SLC26A2: variants seen among roughly 807,000 people sequenced by gnomAD.
The protein encoded by SLC26A2 is sulfate transporter.
A neutral mutation model predicts 41.1 loss-of-function variants in SLC26A2; 36 were observed. That is an observed-to-expected ratio of 0.88 (90% CI 0.67 to 1.16). SLC26A2 has a LOEUF of 1.16. Ranked by LOEUF, SLC26A2 falls within the 50% of genes most tolerant of loss-of-function variation. SLC26A2 has a pLI of 0.00. For missense variants in SLC26A2, 796 were observed against 869.6 expected (o/e 0.92, Z 1.07); for synonymous variants, 291 against 311.6 (o/e 0.93, Z 0.70).
Position 149,978,338 on chromosome 5 carries a change from C to A in SLC26A2, c.686C>A (p.Ala229Asp). 6.2e-7 allele frequency: 1 copy of A among 1,611,774 alleles called. No individual in the cohort carries two copies. Among genetic ancestry groups the A allele is most frequent in the Non-Finnish European group, 8.5e-7 (1 of 1,179,234 alleles). Reference protein sequence around the residue: ...IMVGSTVTFIAGVYQVAMGFF... With the variant: ...IMVGSTVTFIDGVYQVAMGFF... ...GTTGGCAGCACTGTAACCTTTATAG[C>A]TGGAGTTTATCAGGTAAGCAGCAAT... The change falls in exon 2 of 3, where the codon GCT (alanine) becomes GAT (aspartate). Residue 229 changes from alanine to aspartate, a missense_variant. Coordinates refer to ENST00000286298, the MANE Select transcript of SLC26A2 (RefSeq NM_000112.4).
chr5:149,975,788 A>C (rs1754982259), intron 1 of SLC26A2, among the ~76,000 whole-genome samples: 1 of 152,170 alleles, frequency 6.6e-6, no homozygotes. Flanking sequence ...TGGTAACGTA[A>C]GGTTTATAGA....
At chr5:149,968,780 G>A (rs936617194) in intron 1 of SLC26A2, among the ~76,000 whole-genome samples, 3 of 148,026 alleles carry the variant, frequency 2.0e-5, no homozygotes, top group Non-Finnish European at 4.5e-5. Context: ...GTGCAGTGGC[G>A]CGATCTTGGT....
At chr5:149,978,694 T>C (rs1393046722) in intron 2 of SLC26A2, among the ~76,000 whole-genome samples, 4 of 142,878 alleles carry the variant, frequency 2.8e-5, no homozygotes, top group Non-Finnish European at 6.2e-5. Flanking sequence ...AGTTTCTCAC[T>C]TTTTTTTTTT....
rs141248858 is a variant in SLC26A2, at chr5:149,968,578, T to TG, written c.-26+7599_-26+7600insG. ...GGCGCCCGCCACCATGCCTGGCTAA[T>TG]TTTTTTTTTTTTTTTGTATTTTTAG... On this transcript the variant is annotated intron_variant, in intron 1 of 2. Transcript: ENST00000286298. Among the ~76,000 whole-genome samples, 9 of 32,950 alleles carry TG rather than the reference T, an allele frequency of 2.7e-4. No homozygotes were observed. In the African/African-American group the frequency reaches 8.1e-3, roughly 30 times the overall value. 21.6% of individuals were successfully genotyped at this position (32,950 alleles called of 152,430 possible). A position where few individuals can be genotyped will look rare whatever the true frequency, so the allele number is the denominator to read the frequency against.
chr5:149,978,419 A>C, intron 2 of SLC26A2, 68 bp downstream of exon 2: 1 of 1,184,390 alleles, frequency 8.4e-7, no homozygotes, highest in Non-Finnish European at 1.2e-6. Context: ...TCATATCTCT[A>C]AGGGATCTGA....
chr5:149,975,078 A>G (rs1312969317), intron 1 of SLC26A2, among the ~76,000 whole-genome samples: 1 of 151,942 alleles, frequency 6.6e-6, no homozygotes, highest in Non-Finnish European at 1.5e-5. Flanking sequence ...AATTATGCAT[A>G]TGTTTGATAC....
Position 149,981,038 on chromosome 5 carries a change from T to C in SLC26A2, c.1445T>C (p.Val482Ala). The change falls in exon 3 of 3, where the codon GTC becomes GCC. Residue 482 changes from valine (V) to alanine (A), a missense_variant. Transcript: ENST00000286298. ...TTGTTCTATTCCCTTCAAAAAAGTGTCCTTGGTGTGATCACAATTGTAAAT... is the reference window on the plus strand; with the variant it reads ...TTGTTCTATTCCCTTCAAAAAAGTGCCCTTGGTGTGATCACAATTGTAAAT... ...APLFYSLQKS[V>A]LGVITIVNLR... is the part of the protein sequence containing the mutation. 6.2e-7 allele frequency: 1 copy of C among 1,614,178 alleles called. No homozygotes were observed. The highest frequency in any genetic ancestry group is 8.5e-7 in the Non-Finnish European group (1 of 1,180,028).
intron 1 of SLC26A2, among the ~76,000 whole-genome samples, chr5:149,963,738 C>CTTTTTTTTTTT (rs761075019): frequency 1.3e-5 from 1 of 78,266 alleles, no homozygotes; most frequent in African/African-American, 6.2e-5. Context: ...ATTTGTTTAA[C>CTTTTTTTTTTT]TTTTTTTTTT....
At chr5:149,968,612 G>C (rs905936039) in intron 1 of SLC26A2, among the ~76,000 whole-genome samples, 1 of 147,736 alleles carries the variant, frequency 6.8e-6, no homozygotes, top group African/African-American at 2.5e-5. Context: ...AGTAGAGATG[G>C]GGTTTCACCA....
At position 149,980,801 on chromosome 5, in the gene SLC26A2, T is replaced by A. The variant is rs770451200; in HGVS notation, c.1208T>A (p.Met403Lys). The change falls in exon 3 of 3, where the codon ATG (methionine) becomes AAG (lysine). Residue 403 changes from methionine (M) to lysine (K), a missense_variant. By Grantham distance (95) the Met-to-Lys change is moderately conservative. Transcript: ENST00000286298. ...GFAITVSLSE[M>K]FAKKHGYTVK... ...GCTATCACTGTATCACTTTCTGAGA[T>A]GTTTGCCAAGAAACATGGTTACACA... The A allele has an allele frequency of 6.2e-7, 1 of 1,614,098 alleles. No individual in the cohort carries two copies. Among genetic ancestry groups the A allele is most frequent in the Non-Finnish European group, 8.5e-7 (1 of 1,180,006 alleles).
chr5:149,972,747 A>G lies in SLC26A2; in HGVS notation c.-25-4881A>G, dbSNP rs528602553. ...TTTTTAATCCTATCTGACAGTCTCC[A>G]TTTTTAATTAGCATGTTTAGACCAT... is the stretch of plus-strand genomic sequence containing the variant. On this transcript the variant is annotated intron_variant, in intron 1 of 2. Coordinates refer to ENST00000286298, the MANE Select transcript of SLC26A2 (RefSeq NM_000112.4). Among the ~76,000 whole-genome samples the G allele has an allele frequency of 1.6e-4, 24 of 152,296 alleles. No individual in the cohort carries two copies. The South Asian group carries it at 5.0e-3, about 32-fold the overall frequency.
rs1407282607 is a variant in SLC26A2 at position 149,979,840 on chromosome 5, G to GT, written c.700-452dup. 2.6e-5 allele frequency among the ~76,000 whole-genome samples: 4 copies of GT among 152,344 alleles called. No individual in the cohort carries two copies. The East Asian group carries it at 7.7e-4, about 29-fold the overall frequency. ...CTCTTAGCCAAGAGGCTGAGAAGCC[G>GT]TAAGACTTCACTTTTACAGTAGTGA... On this transcript the variant is annotated intron_variant, in intron 2 of 2. Transcript: ENST00000286298.
In SLC26A2 at chr5:149,984,416, T is replaced by C. The variant is rs749507700; in HGVS notation, c.*2603T>C. The C allele has an allele frequency of 2.6e-5, 4 of 152,204 alleles. No homozygotes were observed. Among genetic ancestry groups the C allele is most frequent in the Non-Finnish European group, 4.4e-5 (3 of 68,054 alleles). 9.4% of individuals were successfully genotyped at this position (152,204 alleles called of 1,614,324 possible). On this transcript the variant is annotated 3_prime_UTR_variant, in exon 3 of 3. Transcript: ENST00000286298. ...GGCTCATGCCTGTAATCCCAGCACG[T>C]TGGGAGGCCGAGGCGGGTGGATCAC...
At chr5:149,968,463 T>G (rs1754843504) in intron 1 of SLC26A2, among the ~76,000 whole-genome samples, 1 of 152,114 alleles carries the variant, frequency 6.6e-6, no homozygotes, top group Admixed American at 6.6e-5. Flanking sequence ...CAGGCTGGAG[T>G]GCAGTGGCGC....
At chr5:149,964,260 G>T (rs1185929464) in intron 1 of SLC26A2, among the ~76,000 whole-genome samples, 2 of 152,156 alleles carry the variant, frequency 1.3e-5, no homozygotes, top group African/African-American at 4.8e-5. Flanking sequence ...GGGAGGCCGT[G>T]GCAGGCAGAT....
At chr5:149,967,081 T>G (rs1754817158) in intron 1 of SLC26A2, among the ~76,000 whole-genome samples, 1 of 152,206 alleles carries the variant, frequency 6.6e-6, no homozygotes, top group Non-Finnish European at 1.5e-5. Context: ...GGGGATTGTT[T>G]GAGGCCAGGA....
chr5:149,971,874 G>A (rs2113691527), intron 1 of SLC26A2, among the ~76,000 whole-genome samples: 1 of 152,220 alleles, frequency 6.6e-6, no homozygotes, highest in African/African-American at 2.4e-5. Flanking sequence ...ATCTTTCAGG[G>A]CCTATGCATT....
At chr5:149,967,717 C>T (rs971352308) in intron 1 of SLC26A2, among the ~76,000 whole-genome samples, 22 of 152,196 alleles carry the variant, frequency 1.4e-4, no homozygotes, top group Admixed American at 5.2e-4. Flanking sequence ...TATTTTCTTT[C>T]TCTATGTATA....
intron 1 of SLC26A2, among the ~76,000 whole-genome samples, chr5:149,966,615 T>A (rs1192420648): frequency 1.3e-5 from 2 of 152,014 alleles, no homozygotes; most frequent in Non-Finnish European, 1.5e-5. Flanking sequence ...TTTTTTTTTT[T>A]AATATTTGTT....
Sources: allele counts gnomAD v4.1 joint callset (sites outside exome capture counted in the v4.1 genomes callset), GRCh38; gene constraint gnomAD v4.1.1; transcripts MANE v1.5; gene names NCBI Gene and HGNC (gene_info 2026-07-23, HGNC 2026-07-21).